Variants in PAOX observed in about 807,000 individuals in gnomAD.
PAOX encodes peroxisomal N(1)-acetyl-spermine/spermidine oxidase.
PAOX carries 38 observed loss-of-function variants against 39.0 expected under a neutral mutation model. That is an observed-to-expected ratio of 0.97 (90% CI 0.75 to 1.28). PAOX has a LOEUF of 1.28. PAOX is among the 50% of genes most tolerant of loss of function. PAOX has a pLI of 0.00. For synonymous variants in PAOX, 311 were observed against 314.4 expected (o/e 0.99, Z 0.11); for missense variants, 667 against 685.7 (o/e 0.97, Z 0.30).
chr10:133,379,989 C>A lies in PAOX; in HGVS notation c.182-10C>A, dbSNP rs12775698. 4 of 1,507,794 alleles carry A rather than the reference C, an allele frequency of 2.7e-6. No homozygotes were observed. The South Asian group carries it at 4.0e-5, about 15-fold the overall frequency. The allele number at this position is 1,507,794 out of a possible 1,614,324, so 93.4% of individuals were successfully genotyped here. The stretch of plus-strand genomic sequence containing the variant: ...GGGACCTCCAGGTGGCATCTGCTGT[C>A]CCCTCGCAGGTGGCGTGGTGGAGGT... On this transcript the variant is annotated splice_polypyrimidine_tract_variant and intron_variant, in intron 1 of 6. Transcript: ENST00000278060.
intron 4 of PAOX, among the ~76,000 whole-genome samples, chr10:133,388,309 C>T (rs573135812): frequency 6.6e-6 from 1 of 152,314 alleles, no homozygotes; most frequent in South Asian, 2.1e-4. Context: ...CCATCCTCCA[C>T]TCTCCCATAG....
In PAOX at chr10:133,379,385, C is replaced by G. The variant is rs1319464781; in HGVS notation, c.69C>G (p.Ile23Met). The change falls in exon 1 of 7, where the codon ATC becomes ATG. Residue 23 changes from isoleucine to methionine, a missense_variant. Coordinates refer to ENST00000278060, the MANE Select transcript of PAOX (RefSeq NM_152911.4). ...GGGTGCTGGTGGTGGGCGGCGGCAT[C>G]GCGGGGCTGGGCGCGGCGCAGAGGC... Reference protein sequence around the residue: ...GPRVLVVGGGIAGLGAAQRLC... With the variant: ...GPRVLVVGGGMAGLGAAQRLC... 8.2e-7 allele frequency: 1 copy of G among 1,220,832 alleles called. No homozygotes were observed. The highest frequency in any genetic ancestry group is 1.0e-6 in the Non-Finnish European group (1 of 981,212). The allele number at this position is 1,220,832 out of a possible 1,614,324, so 75.6% of individuals were successfully genotyped here.
In PAOX at chr10:133,390,731, C is replaced by T; in HGVS notation, c.1393-581C>T. On this transcript the variant is annotated intron_variant, in intron 6 of 6. Transcript: ENST00000278060. ...GTGAACCTGCTTGGAAATGTTGCTT[C>T]TTGAGTTTTCAGTTTCAGGTGTTAC... 1.6e-5 allele frequency: 9 copies of T among 562,232 alleles called. No individual in the cohort carries two copies. The South Asian group carries it at 2.0e-4, about 12-fold the overall frequency. The allele number at this position is 562,232 out of a possible 1,614,324, so 34.8% of individuals were successfully genotyped here.
In PAOX at chr10:133,384,546, A is replaced by C. The variant is rs1027001705; in HGVS notation, c.1121+334A>C. On this transcript the variant is annotated intron_variant, in intron 4 of 6. Transcript: ENST00000278060. The surrounding 1 kb of genome is among the most constrained non-coding windows in gnomAD (Gnocchi z 4.3). ...TGTAGATACAGAAGAACTTTGAAAC[A>C]CCATCTGCCCATACGTGGGGAGACA... is the stretch of plus-strand genomic sequence containing the variant. 1.3e-5 allele frequency among the ~76,000 whole-genome samples: 2 copies of C among 152,146 alleles called. No individual in the cohort carries two copies. The highest frequency in any genetic ancestry group is 2.4e-5 in the African/African-American group (1 of 41,408).
chr10:133,388,728 C>T (rs921523961), intron 4 of PAOX, among the ~76,000 whole-genome samples: 3 of 152,246 alleles, frequency 2.0e-5, no homozygotes, highest in South Asian at 2.1e-4. Flanking sequence ...GCCTGAGGGA[C>T]GCTCTGTGGG....
rs559940176 is a variant in PAOX at position 133,383,985 on chromosome 10, C to T, written c.894C>T (p.Thr298=). The change falls in exon 4 of 7, where the codon ACC becomes ACT. Residue 298 remains threonine, a synonymous_variant. Transcript: ENST00000278060. ...PLGFLREHLD[T]FFDPPLPAEK... ...GTTTTCTTAGGGAACATTTGGACAC[C>T]TTCTTTGACCCTCCCCTGCCGGCTG... 6 of 1,613,912 alleles carry T rather than the reference C, an allele frequency of 3.7e-6. No individual in the cohort carries two copies. Among genetic ancestry groups the T allele is most frequent in the Non-Finnish European group, 3.4e-6 (4 of 1,179,972 alleles).
chr10:133,380,015 G>A lies in PAOX; in HGVS notation c.198G>A (p.Val66=). ...CCCTCGCAGGTGGCGTGGTGGAGGT[G>A]GGCGCGCACTGGATCCATGGGCCCT... ...SERCFGGVVE[V]GAHWIHGPSR... Residue 66 remains valine (V), a synonymous_variant, in exon 2 of 7, where the codon GTG becomes GTA. Transcript: ENST00000278060. 1 of 1,512,956 alleles carries A rather than the reference G, an allele frequency of 6.6e-7. No homozygotes were observed. The highest frequency in any genetic ancestry group is 8.8e-7 in the Non-Finnish European group (1 of 1,135,808). The allele number at this position is 1,512,956 out of a possible 1,614,324, so 93.7% of individuals were successfully genotyped here. A position where few individuals can be genotyped will look rare whatever the true frequency, so the allele number is the denominator to read the frequency against.
chr10:133,384,065 T>G lies in PAOX; in HGVS notation c.974T>G (p.Leu325Arg), dbSNP rs1208772567. Residue 325 changes from leucine to arginine, a missense_variant, in exon 4 of 7, where the codon CTG becomes CGG. Coordinates refer to ENST00000278060, the MANE Select transcript of PAOX (RefSeq NM_152911.4). The surrounding 1 kb of genome is among the most constrained non-coding windows in gnomAD (Gnocchi z 4.3). ...TTTGGGACCAACAACAAAATCTTCC[T>G]GGAGTTTGAGGAGCCCTTCTGGGAG... ...IGFGTNNKIFLEFEEPFWEPD... is the reference protein window; with the variant it reads ...IGFGTNNKIFREFEEPFWEPD... 6.2e-7 allele frequency: 1 copy of G among 1,614,188 alleles called. No individual in the cohort carries two copies.
At chr10:133,383,672 A>G (rs781157126) in intron 3 of PAOX, among the ~76,000 whole-genome samples, 1 of 151,194 alleles carries the variant, frequency 6.6e-6, no homozygotes, top group Non-Finnish European at 1.5e-5. Flanking sequence ...GGTGGGGAAC[A>G]GAGGCTCACG....
At chr10:133,390,930 T>C in intron 6 of PAOX, 1 of 662,672 alleles carries the variant, frequency 1.5e-6, no homozygotes, top group Non-Finnish European at 2.8e-6. Context: ...AGCTGCGGGG[T>C]GCAGTGGCTT....
chr10:133,390,137 T>C (rs1041976014), intron 6 of PAOX, among the ~76,000 whole-genome samples: 12 of 152,128 alleles, frequency 7.9e-5, no homozygotes, highest in African/African-American at 2.2e-4. Context: ...AGGGAGAACC[T>C]TTCAGTGCCC....
intron 3 of PAOX, among the ~76,000 whole-genome samples, chr10:133,382,242 CAT>C (rs1279907513): frequency 1.3e-5 from 2 of 152,192 alleles, no homozygotes; most frequent in African/African-American, 4.8e-5. Context: ...CATTGTCCCA[CAT>C]ATGACAGATT....
intron 6 of PAOX, chr10:133,390,734 G>A: frequency 1.8e-6 from 1 of 562,802 alleles, no homozygotes; most frequent in South Asian, 2.2e-5. Context: ...GTTGCTTCTT[G>A]AGTTTTCAGT....
chr10:133,390,086 T>G (rs1211239740), intron 6 of PAOX, among the ~76,000 whole-genome samples: 2 of 152,122 alleles, frequency 1.3e-5, no homozygotes, highest in Non-Finnish European at 2.9e-5. Context: ...TACCACGTTT[T>G]GAGATACATT....
At position 133,384,619 on chromosome 10, in the gene PAOX, T is replaced by C. The variant is rs1312032315; in HGVS notation, c.1121+407T>C. 1.3e-5 allele frequency among the ~76,000 whole-genome samples: 2 copies of C among 152,058 alleles called. No individual in the cohort carries two copies. The highest frequency in any genetic ancestry group is 4.8e-5 in the African/African-American group (2 of 41,394). ...TTGAAGGAAACATTCCGAGAAGTAA[T>C]GGAATGGGAGACCCACAGAGGAAGG... On this transcript the variant is annotated intron_variant, in intron 4 of 6. Transcript: ENST00000278060. This position sits in a 1 kb window ranked among gnomAD's most constrained non-coding sequence, Gnocchi z 4.3.
In PAOX at chr10:133,391,441, A is replaced by G. The variant is rs746744151; in HGVS notation, c.1522A>G (p.Arg508Gly). ...GTGGGCCCCGCAGGTGCAGCAGCCC[A>G]GGCCCAGGCTCTAGCTGGGCCCAGC... ...SLWAPQVQQP[R>G]PRL Residue 508 changes from arginine to glycine, a missense_variant, in exon 7 of 7, where the codon AGG becomes GGG. Physicochemically the swap from Arg to Gly is moderately radical, Grantham distance 125. Transcript: ENST00000278060. 1.9e-6 allele frequency: 3 copies of G among 1,612,350 alleles called. No individual in the cohort carries two copies. The highest frequency in any genetic ancestry group is 2.5e-6 in the Non-Finnish European group (3 of 1,179,742).
intron 6 of PAOX, among the ~76,000 whole-genome samples, chr10:133,390,222 A>G (rs1849638879): frequency 7.1e-6 from 1 of 139,890 alleles, no homozygotes; most frequent in Non-Finnish European, 1.5e-5. Flanking sequence ...CACACAGGAC[A>G]TTGTCTCACC....
At chr10:133,391,111 C>T in intron 6 of PAOX, 1 of 706,862 alleles carries the variant, frequency 1.4e-6, no homozygotes. Context: ...GAGCTGTTTT[C>T]CTGCCCGTTG....
In PAOX at chr10:133,381,634, C is replaced by G; in HGVS notation, c.843C>G (p.His281Gln). 1 of 1,613,264 alleles carries G rather than the reference C, an allele frequency of 6.2e-7. No individual in the cohort carries two copies. Among genetic ancestry groups the G allele is most frequent in the South Asian group, 1.1e-5 (1 of 91,078 alleles). Residue 281 changes from histidine (H) to glutamine (Q), a missense_variant, in exon 3 of 7, where the codon CAC (histidine) becomes CAG (glutamine). His to Gln is a conservative substitution (Grantham distance 24). Transcript: ENST00000278060. Reference sequence around the variant, plus strand: ...AGGATGGAGACCGGTTCCCGGCGCACCATGTCATCGTCACCGTGCCCTTAG... The same window carrying G: ...AGGATGGAGACCGGTTCCCGGCGCAGCATGTCATCGTCACCGTGCCCTTAG... The part of the protein sequence containing the change: ...ECEDGDRFPA[H>Q]HVIVTVPLGF...
Sources: allele counts gnomAD v4.1 joint callset (sites outside exome capture counted in the v4.1 genomes callset), GRCh38; gene constraint gnomAD v4.1.1; non-coding constraint Gnocchi (gnomAD v3.1); transcripts MANE v1.5; gene names NCBI Gene and HGNC (gene_info 2026-07-23, HGNC 2026-07-21).